The following CNTNAP5 variants were observed in gnomAD, a reference collection of about 807,000 sequenced individuals.
CNTNAP5 encodes the protein contactin-associated protein-like 5.
In CNTNAP5, 72 loss-of-function variants were observed where a neutral mutation model predicts 150.2. The observed-to-expected ratio is 0.48, with a 90% CI of 0.40 to 0.58. The LOEUF (loss-of-function observed/expected upper bound fraction) is 0.58. Ranked by LOEUF, CNTNAP5 falls within the 20% of genes least tolerant of loss-of-function variation. The pLI is 0.00. For synonymous variants in CNTNAP5, 672 were observed against 619.8 expected, an observed-to-expected ratio of 1.08 and a Z score of -1.25; for missense variants, 1,636 against 1,626.2, an observed-to-expected ratio of 1.01 and a Z score of -0.10.
At chr2:124,666,463 T>C (rs573843847) in intron 13 of CNTNAP5, among the ~76,000 whole-genome samples, 5 of 152,214 alleles carry the variant, frequency 3.3e-5, no homozygotes, top group African/African-American at 1.2e-4. Flanking sequence ...ACAAAGAGTT[T>C]GTTTTGTTAG....
chr2:124,288,419 C>T (rs115411021), intron 3 of CNTNAP5, among the ~76,000 whole-genome samples: 6,219 of 152,124 alleles, frequency 0.041, 379 homozygotes, highest in African/African-American at 0.13. Flanking sequence ...TGTGTTGAGA[C>T]CCAGGAATTG....
intron 21 of CNTNAP5, among the ~76,000 whole-genome samples, chr2:124,898,990 TAA>T (rs1001707812): frequency 6.6e-6 from 1 of 151,414 alleles, no homozygotes; most frequent in Admixed American, 6.6e-5. Flanking sequence ...TGACTGCAGT[TAA>T]TATATTATAT....
chr2:124,199,413 C>CTTTTTTTTTTTTTT (rs70996049), intron 1 of CNTNAP5, among the ~76,000 whole-genome samples: 1 of 110,048 alleles, frequency 9.1e-6, no homozygotes, highest in African/African-American at 3.5e-5. Context: ...TTCCAAGGTT[C>CTTTTTTTTTTTTTT]TTTTTTTTTT....
chr2:124,631,764 C>T (rs1477017138), intron 12 of CNTNAP5, among the ~76,000 whole-genome samples: 1 of 152,172 alleles, frequency 6.6e-6, no homozygotes, highest in East Asian at 1.9e-4. Context: ...GCAAATGAAA[C>T]TATCATCAGA....
At chr2:124,747,614 C>CTTTT (rs11351693) in intron 14 of CNTNAP5, among the ~76,000 whole-genome samples, 6 of 53,260 alleles carry the variant, frequency 1.1e-4, no homozygotes, top group African/African-American at 1.7e-4. Context: ...GCTGCTTCTT[C>CTTTT]TTTTTTTTTT....
At position 124,482,125 on chromosome 2, in the gene CNTNAP5, T is replaced by C. The variant is rs1693774852; in HGVS notation, c.1062+7243T>C. ...TCCAACTAATGAGCTGAGCATATTC[T>C]TTTTATGCTCTCGCACCTGCAGTAA... On this transcript the variant is annotated intron_variant, in intron 7 of 23. Transcript: ENST00000682447. Among the ~76,000 whole-genome samples, 2 of 152,214 alleles carry C rather than the reference T, an allele frequency of 1.3e-5. 1 individual carries two copies. Among genetic ancestry groups the C allele is most frequent in the South Asian group, 4.1e-4 (2 of 4,830 alleles).
chr2:124,848,959 G>C (rs970868371), intron 19 of CNTNAP5, among the ~76,000 whole-genome samples: 2 of 151,936 alleles, frequency 1.3e-5, no homozygotes, highest in East Asian at 1.9e-4. Flanking sequence ...TTTTTCAACT[G>C]TTTCTTATAT....
At chr2:124,630,886 C>G (rs1677844322) in intron 12 of CNTNAP5, among the ~76,000 whole-genome samples, 1 of 152,106 alleles carries the variant, frequency 6.6e-6, no homozygotes, top group South Asian at 2.1e-4. Flanking sequence ...TCTTGGGACA[C>G]AAAATAAGTG....
At chr2:124,134,423 G>T (rs1407792450) in intron 1 of CNTNAP5, among the ~76,000 whole-genome samples, 4 of 151,352 alleles carry the variant, frequency 2.6e-5, no homozygotes, top group African/African-American at 9.7e-5. Flanking sequence ...GTTCCAGACA[G>T]AAACTATGGA....
chr2:124,838,171 T>G (rs1205075033), intron 19 of CNTNAP5, among the ~76,000 whole-genome samples: 1 of 152,168 alleles, frequency 6.6e-6, no homozygotes. Flanking sequence ...TTTAGGAATA[T>G]TATGTGCCAG....
chr2:124,856,403 G>C (rs1677374492), intron 19 of CNTNAP5, among the ~76,000 whole-genome samples: 1 of 152,132 alleles, frequency 6.6e-6, no homozygotes, highest in Non-Finnish European at 1.5e-5. Flanking sequence ...AGTTCTTTAA[G>C]GAATCTCCAC....
chr2:124,911,333 A>T (rs1261261791), intron 22 of CNTNAP5, 134 bp from the exon 23 acceptor site: 1 of 661,374 alleles, frequency 1.5e-6, no homozygotes, highest in East Asian at 2.8e-5. Flanking sequence ...AGTTCCTTGC[A>T]ACATATCAAC....
intron 19 of CNTNAP5, among the ~76,000 whole-genome samples, chr2:124,808,427 A>C (rs1682127925): frequency 6.6e-6 from 1 of 151,970 alleles, no homozygotes; most frequent in African/African-American, 2.4e-5. Context: ...GTCTCTACTA[A>C]AAATACAAGA....
Position 124,773,034 on chromosome 2 carries a change from G to C in CNTNAP5, c.2752+17G>C. On this transcript the variant is annotated intron_variant, in intron 17 of 23. Coordinates refer to ENST00000682447, the MANE Select transcript of CNTNAP5 (RefSeq NM_001367498.1). ...TGTTTGTAGGTAGGGGACATCTTAAGGCTCCTTTTGTGCTAAACCCTGCAA... is the reference window on the plus strand; with the variant it reads ...TGTTTGTAGGTAGGGGACATCTTAACGCTCCTTTTGTGCTAAACCCTGCAA... The C allele has an allele frequency of 1.2e-6, 2 of 1,604,588 alleles. No individual in the cohort carries two copies. Among genetic ancestry groups the C allele is most frequent in the Non-Finnish European group, 1.7e-6 (2 of 1,172,950 alleles).
rs189416572 is a variant in CNTNAP5, at chr2:124,075,699, T to C, written c.82+49967T>C. ...CCGGGAGAGAAGGAAGCAACACAAC[T>C]ACACATTTTGCTGTCTGTGTGTGGA... On this transcript the variant is annotated intron_variant, in intron 1 of 23. Transcript: ENST00000682447. 3.3e-5 allele frequency among the ~76,000 whole-genome samples: 5 copies of C among 152,298 alleles called. No individual in the cohort carries two copies. The East Asian group carries it at 9.6e-4, about 29-fold the overall frequency.
intron 16 of CNTNAP5, among the ~76,000 whole-genome samples, chr2:124,767,368 C>A (rs896909805): frequency 6.6e-6 from 1 of 152,198 alleles, no homozygotes; most frequent in African/African-American, 2.4e-5. Context: ...AGACACGCCA[C>A]TATGTTCACA....
At chr2:124,482,420 C>G (rs942286780) in intron 7 of CNTNAP5, among the ~76,000 whole-genome samples, 1 of 152,234 alleles carries the variant, frequency 6.6e-6, no homozygotes, top group East Asian at 1.9e-4. Context: ...TCTTCCTCCT[C>G]TTATGGAAAG....
intron 8 of CNTNAP5, among the ~76,000 whole-genome samples, chr2:124,511,615 T>C (rs1441879749): frequency 1.3e-5 from 2 of 152,210 alleles, no homozygotes; most frequent in Non-Finnish European, 2.9e-5. Context: ...TATTCATGAT[T>C]TCTTGAGAGA....
chr2:124,533,415 G>A (rs1422949179), intron 10 of CNTNAP5, among the ~76,000 whole-genome samples: 3 of 152,186 alleles, frequency 2.0e-5, no homozygotes, highest in African/African-American at 7.2e-5. Context: ...CGTGTGTGAT[G>A]CTGCTGCTAC....
Sources: gnomAD v4.1 joint callset for allele counts (sites outside exome capture counted in the v4.1 genomes callset) on GRCh38, gnomAD v4.1.1 for gene constraint, MANE v1.5 for transcripts, NCBI Gene and HGNC (gene_info 2026-07-23, HGNC 2026-07-21) for gene names.